The following SLCO4C1 variants were observed in gnomAD, a reference collection of about 807,000 sequenced individuals.
SLCO4C1 encodes the protein organic anion transporter M1.
SLCO4C1 carries 58 observed loss-of-function variants against 72.1 expected under a neutral mutation model. That is an observed-to-expected ratio of 0.80 (90% CI 0.65 to 1.00). The LOEUF (loss-of-function observed/expected upper bound fraction) is 1.00. Ranked by LOEUF, SLCO4C1 falls within the 50% of genes least tolerant of loss-of-function variation. SLCO4C1 has a pLI of 0.00. For synonymous variants in SLCO4C1, 297 were observed against 312.5 expected, an observed-to-expected ratio of 0.95 and a Z score of 0.52; for missense variants, 898 against 857.9, an observed-to-expected ratio of 1.05 and a Z score of -0.58.
At chr5:102,282,225 T>G (rs980308592) in intron 2 of SLCO4C1, among the ~76,000 whole-genome samples, 4 of 152,034 alleles carry the variant, frequency 2.6e-5, no homozygotes, top group Non-Finnish European at 5.9e-5. Flanking sequence ...ATGAGTTAAT[T>G]TATAATAAAA....
intron 6 of SLCO4C1, 55 bp from the exon 7 acceptor site, chr5:102,258,142 A>G: frequency 3.6e-6 from 5 of 1,391,888 alleles, no homozygotes; most frequent in Non-Finnish European, 4.8e-6. Context: ...ATTGCAAAGT[A>G]CAGAATTAGA....
In SLCO4C1 at chr5:102,295,976, T is replaced by C; in HGVS notation, c.287A>G (p.Gln96Arg). ...GSYGWRNFHP[Q>R]CLQRCNTPGG... ...AGGTGTGTTGCAGCGCTGGAGACAT[T>C]GAGGATGGAAGTTCCTCCAGCCGTA... is the stretch of plus-strand genomic sequence containing the variant. Residue 96 changes from glutamine to arginine, a missense_variant, in exon 1 of 13, where the codon CAA becomes CGA. Coordinates refer to ENST00000310954, the MANE Select transcript of SLCO4C1 (RefSeq NM_180991.5). The C allele has an allele frequency of 6.2e-7, 1 of 1,614,234 alleles. No homozygotes were observed. The highest frequency in any genetic ancestry group is 1.3e-5 in the African/African-American group (1 of 75,058).
intron 5 of SLCO4C1, among the ~76,000 whole-genome samples, chr5:102,261,479 G>A (rs748347253): frequency 6.0e-5 from 9 of 149,346 alleles, no homozygotes; most frequent in East Asian, 2.0e-4. Flanking sequence ...AAAAAAGTAC[G>A]CTACGGAATG....
intron 3 of SLCO4C1, among the ~76,000 whole-genome samples, chr5:102,266,521 G>C (rs971569806): frequency 6.6e-6 from 1 of 152,168 alleles, no homozygotes; most frequent in East Asian, 1.9e-4. Context: ...GTGGTGGCAG[G>C]TGCCTGTAAT....
intron 3 of SLCO4C1, among the ~76,000 whole-genome samples, chr5:102,268,910 T>A (rs1332143051): frequency 2.0e-5 from 3 of 152,170 alleles, no homozygotes; most frequent in African/African-American, 4.8e-5. Flanking sequence ...TTCTGAAGAA[T>A]AGCTTTGCTG....
intron 10 of SLCO4C1, among the ~76,000 whole-genome samples, chr5:102,243,806 A>G (rs1748589511): frequency 6.6e-6 from 1 of 152,210 alleles, no homozygotes; most frequent in South Asian, 2.1e-4. Flanking sequence ...AGAATTTAAA[A>G]TAGCTGTGCT....
At chr5:102,262,651 C>A (rs1261709250) in intron 4 of SLCO4C1, among the ~76,000 whole-genome samples, 1 of 152,008 alleles carries the variant, frequency 6.6e-6, no homozygotes, top group Admixed American at 6.6e-5. Flanking sequence ...GATCCTTACA[C>A]TTTGATATCC....
intron 10 of SLCO4C1, among the ~76,000 whole-genome samples, chr5:102,243,792 A>G (rs1748589394): frequency 6.6e-6 from 1 of 152,234 alleles, no homozygotes; most frequent in South Asian, 2.1e-4. Context: ...GACGTTTCAG[A>G]CAGAGAATTT....
At chr5:102,257,768 G>A (rs969410697) in intron 7 of SLCO4C1, among the ~76,000 whole-genome samples, 175 bp downstream of exon 7, 5 of 151,952 alleles carry the variant, frequency 3.3e-5, no homozygotes, top group Non-Finnish European at 7.4e-5. Context: ...ACAGGTGCGT[G>A]CCACTATGCT....
At chr5:102,286,891 T>G (rs1232820586) in intron 2 of SLCO4C1, among the ~76,000 whole-genome samples, 2 of 144,872 alleles carry the variant, frequency 1.4e-5, no homozygotes, top group Admixed American at 1.3e-4. Context: ...AAATCATACA[T>G]GTTTATCATA....
At chr5:102,250,156 C>G (rs1748712064) in intron 8 of SLCO4C1, among the ~76,000 whole-genome samples, 1 of 152,134 alleles carries the variant, frequency 6.6e-6, no homozygotes, top group African/African-American at 2.4e-5. Context: ...TTCATTACAG[C>G]AACCAAAATA....
At chr5:102,258,249 T>A (rs557221514) in intron 6 of SLCO4C1, among the ~76,000 whole-genome samples, 162 bp from the exon 7 acceptor site, 1 of 152,158 alleles carries the variant, frequency 6.6e-6, no homozygotes, top group Non-Finnish European at 1.5e-5. Flanking sequence ...TTAATAGAAT[T>A]ACACATACAT....
rs147034319 is a variant in SLCO4C1, at chr5:102,295,973, C to T, written c.290G>A (p.Cys97Tyr). 6.2e-6 allele frequency: 10 copies of T among 1,614,236 alleles called. No individual in the cohort carries two copies. The African/African-American group carries it at 6.7e-5, about 11-fold the overall frequency. ...SYGWRNFHPQCLQRCNTPGGF... is the reference protein window; with the variant it reads ...SYGWRNFHPQYLQRCNTPGGF... ...TCCAGGTGTGTTGCAGCGCTGGAGA[C>T]ATTGAGGATGGAAGTTCCTCCAGCC... Residue 97 changes from cysteine to tyrosine, a missense_variant, in exon 1 of 13, where the codon TGT becomes TAT. Transcript: ENST00000310954.
intron 6 of SLCO4C1, among the ~76,000 whole-genome samples, chr5:102,258,508 T>G (rs1748880203): frequency 6.6e-6 from 1 of 152,078 alleles, no homozygotes; most frequent in Admixed American, 6.6e-5. Flanking sequence ...ATGAGAATGG[T>G]CTCTAAGTAT....
At chr5:102,242,444 C>A (rs906730302) in intron 10 of SLCO4C1, among the ~76,000 whole-genome samples, 1 of 152,116 alleles carries the variant, frequency 6.6e-6, no homozygotes, top group African/African-American at 2.4e-5. Flanking sequence ...CCCCTTCCTG[C>A]CACTTGAGGA....
intron 2 of SLCO4C1, among the ~76,000 whole-genome samples, chr5:102,283,205 A>C (rs904563411): frequency 6.6e-6 from 1 of 151,642 alleles, no homozygotes; most frequent in Non-Finnish European, 1.5e-5. Flanking sequence ...AAAAAAAAAG[A>C]CTTTATTATT....
chr5:102,251,663 T>C (rs1426179752), intron 8 of SLCO4C1, among the ~76,000 whole-genome samples: 2 of 151,862 alleles, frequency 1.3e-5, no homozygotes, highest in African/African-American at 4.8e-5. Flanking sequence ...AGGAGAACAA[T>C]GATGAGTATG....
intron 3 of SLCO4C1, among the ~76,000 whole-genome samples, chr5:102,269,352 A>AT (rs59773954): frequency 6.7e-6 from 1 of 150,154 alleles, no homozygotes; most frequent in Non-Finnish European, 1.5e-5. Context: ...AGCTTTCTTT[A>AT]TTTTTTTTTT....
intron 3 of SLCO4C1, among the ~76,000 whole-genome samples, chr5:102,268,411 T>C (rs1749085629): frequency 6.6e-6 from 1 of 152,182 alleles, no homozygotes; most frequent in African/African-American, 2.4e-5. Flanking sequence ...AATTTAAATA[T>C]AGCTACTGCC....
Sources: gnomAD v4.1 joint callset for allele counts (sites outside exome capture counted in the v4.1 genomes callset) on GRCh38, gnomAD v4.1.1 for gene constraint, MANE v1.5 for transcripts, NCBI Gene and HGNC (gene_info 2026-07-23, HGNC 2026-07-21) for gene names.